ATP2A2: variants seen among roughly 807,000 people sequenced by gnomAD.
ATP2A2 encodes sarcoplasmic/endoplasmic reticulum calcium ATPase 2.
ATP2A2 carries 14 observed loss-of-function variants against 109.3 expected under a neutral mutation model. The ratio of observed to expected loss-of-function variants is 0.13; its 90% CI spans 0.08 to 0.20. The LOEUF (loss-of-function observed/expected upper bound fraction) is 0.20. Among genes scored for constraint, ATP2A2 ranks in the 10% least tolerant of loss-of-function variants. The pLI is 1.00. For synonymous variants in ATP2A2, 506 were observed against 490.9 expected (o/e 1.03, Z -0.41); for missense variants, 657 against 1,321.6 (o/e 0.50, Z 7.80).
At chr12:110,321,142 C>T (rs1877202580) in intron 5 of ATP2A2, among the ~76,000 whole-genome samples, 3 of 152,192 alleles carry the variant, frequency 2.0e-5, no homozygotes, top group African/African-American at 7.2e-5. Flanking sequence ...GCAGGGGAAT[C>T]GCTTGAACCC....
Position 110,340,991 on chromosome 12 carries a change from T to C in ATP2A2, c.2094T>C (p.Ala698=), listed in dbSNP as rs764279913. 5 of 1,614,032 alleles carry C rather than the reference T, an allele frequency of 3.1e-6. No individual in the cohort carries two copies. The highest frequency in any genetic ancestry group is 4.2e-6 in the Non-Finnish European group (5 of 1,179,984). Residue 698 remains alanine, a synonymous_variant, in exon 14 of 20, where the codon GCT becomes GCC. Transcript: ENST00000539276. The surrounding 1 kb of genome is among the most constrained non-coding windows in gnomAD (Gnocchi z 6.0). ...EFLQSFDEIT[A]MTGDGVNDAP... ...TTCAGTCTTTTGATGAGATTACAGC[T>C]ATGGTGAGCATGTTTGAACATGTAC...
At chr12:110,343,953 TGTG>T (rs1428726264) in intron 16 of ATP2A2, among the ~76,000 whole-genome samples, 2 of 152,146 alleles carry the variant, frequency 1.3e-5, no homozygotes, top group Admixed American at 6.5e-5. Flanking sequence ...AGGAAGGCAT[TGTG>T]TTTTCATAAT....
At chr12:110,293,367 C>CTTTTTTTTTTTTTTTT (rs1178977431) in intron 4 of ATP2A2, among the ~76,000 whole-genome samples, 11 of 79,914 alleles carry the variant, frequency 1.4e-4, no homozygotes, top group African/African-American at 1.6e-4. Flanking sequence ...CACTCCCGGC[C>CTTTTTTTTTTTTTTTT]TTTTTTTTTT....
intron 6 of ATP2A2, among the ~76,000 whole-genome samples, chr12:110,325,410 GA>G (rs1877686427): frequency 6.6e-6 from 1 of 151,760 alleles, no homozygotes; most frequent in African/African-American, 2.4e-5. Flanking sequence ...GAGGTGGGGG[GA>G]TCACCTCAGG....
rs1555279254 is a variant in ATP2A2 at position 110,307,222 on chromosome 12, C to CG, written c.463+10485_463+10486insG. Among the ~76,000 whole-genome samples, 273 of 126,718 alleles carry CG rather than the reference C, an allele frequency of 2.2e-3. 9 individuals carry two copies. In the East Asian group the frequency reaches 0.06, roughly 28 times the overall value. 83.1% of individuals were successfully genotyped at this position (126,718 alleles called of 152,430 possible). The stretch of plus-strand genomic sequence containing the variant: ...TAAGTGTTCCCCCCAGCCCCACCAC[C>CG]TTTTTTTTTTTTTTTTTCTTTTTTT... On this transcript the variant is annotated intron_variant, in intron 5 of 19. Coordinates refer to ENST00000539276, the MANE Select transcript of ATP2A2 (RefSeq NM_170665.4).
chr12:110,285,378 C>T (rs552077560), intron 3 of ATP2A2, among the ~76,000 whole-genome samples: 2 of 152,282 alleles, frequency 1.3e-5, no homozygotes, highest in Non-Finnish European at 2.9e-5. Flanking sequence ...TTTTCATTCT[C>T]TTCTTGATTA....
At chr12:110,288,289 A>G (rs926191942) in intron 3 of ATP2A2, among the ~76,000 whole-genome samples, 3 of 151,342 alleles carry the variant, frequency 2.0e-5, no homozygotes, top group African/African-American at 7.3e-5. Flanking sequence ...TTTTTTATAC[A>G]CATAGGGTCT....
intron 5 of ATP2A2, among the ~76,000 whole-genome samples, chr12:110,310,075 T>C (rs1415079362): frequency 1.3e-5 from 2 of 152,160 alleles, no homozygotes; most frequent in Non-Finnish European, 2.9e-5. Context: ...TTTTAAGCTT[T>C]CTGTATTATC....
At chr12:110,315,895 C>A (rs1021489662) in intron 5 of ATP2A2, among the ~76,000 whole-genome samples, 1 of 152,088 alleles carries the variant, frequency 6.6e-6, no homozygotes, top group African/African-American at 2.4e-5. Context: ...GCTGAGATCA[C>A]GCCACTGTGC....
intron 8 of ATP2A2, 93 bp from the exon 9 acceptor site, chr12:110,332,504 T>A (rs1357126392): frequency 9.2e-7 from 1 of 1,084,664 alleles, no homozygotes; most frequent in African/African-American, 1.6e-5. Flanking sequence ...AAAGAGGTTG[T>A]TTGCCTTTGT....
intron 6 of ATP2A2, among the ~76,000 whole-genome samples, chr12:110,325,387 A>C (rs890390583): frequency 6.6e-6 from 1 of 151,434 alleles, no homozygotes; most frequent in African/African-American, 2.4e-5. Context: ...TAATCCCAGC[A>C]CTTTGGGAGG....
rs79444404 is a variant in ATP2A2, at chr12:110,304,480, C to T, written c.463+7743C>T. 2.9e-4 allele frequency among the ~76,000 whole-genome samples: 44 copies of T among 152,278 alleles called. 1 individual carries two copies. In the East Asian group the frequency reaches 8.1e-3, roughly 28 times the overall value. On this transcript the variant is annotated intron_variant, in intron 5 of 19. Coordinates refer to ENST00000539276, the MANE Select transcript of ATP2A2 (RefSeq NM_170665.4). ...CATTGTCTATCGTTTTAAAGTTTTA[C>T]CCAGGAAGTGAGTATCATTGTGGTT...
Position 110,339,453 on chromosome 12 carries a change from C to T in ATP2A2, c.1542+50C>T, listed in dbSNP as rs530531233. On this transcript the variant is annotated intron_variant, in intron 12 of 19. Transcript: ENST00000539276. The surrounding 1 kb of genome is among the most constrained non-coding windows in gnomAD (Gnocchi z 4.4). ...GATGTTCTTGCCAGGGTTAAGATCC[C>T]GGTGAACCAATAAAACAAAATTGTT... The T allele has an allele frequency of 5.0e-6, 8 of 1,614,042 alleles. No individual in the cohort carries two copies. In the Admixed American group the frequency reaches 8.3e-5, roughly 17 times the overall value.
rs951504796 is a variant in ATP2A2, at chr12:110,311,954, C to T, written c.464-11038C>T. 1.8e-4 allele frequency among the ~76,000 whole-genome samples: 28 copies of T among 151,998 alleles called. 1 individual carries two copies. The highest frequency in any genetic ancestry group is 9.2e-4 in the Admixed American group (14 of 15,236). ...CACTTTGGGAGGCTGAGACGAGGTT[C>T]ACTTGAGCTCAGGAGTTTGAGACCA... On this transcript the variant is annotated intron_variant, in intron 5 of 19. Coordinates refer to ENST00000539276, the MANE Select transcript of ATP2A2 (RefSeq NM_170665.4).
At chr12:110,333,069 G>A (rs999401977) in intron 9 of ATP2A2, 112 bp from the exon 10 acceptor site, 8 of 975,648 alleles carry the variant, frequency 8.2e-6, no homozygotes, top group African/African-American at 8.0e-5. Context: ...TTTCCAGTAT[G>A]TTGTCCCAGA....
intron 4 of ATP2A2, among the ~76,000 whole-genome samples, chr12:110,293,826 A>ATGTGTGTG (rs59260681): frequency 0.013 from 1,413 of 108,534 alleles, 47 homozygotes; most frequent in African/African-American, 0.041. Context: ...TGCCATATAT[A>ATGTGTGTG]TGTGTGTGTG....
intron 5 of ATP2A2, among the ~76,000 whole-genome samples, chr12:110,299,443 A>G (rs1874314400): frequency 6.6e-6 from 1 of 152,168 alleles, no homozygotes; most frequent in Non-Finnish European, 1.5e-5. Context: ...TTTTGAGTTC[A>G]TGAATAGTGG....
intron 16 of ATP2A2, 40 bp downstream of exon 16, chr12:110,343,474 A>G: frequency 3.7e-6 from 6 of 1,606,070 alleles, no homozygotes; most frequent in African/African-American, 1.3e-5. Context: ...TTTAAACAAA[A>G]TGTTTGTGAG....
chr12:110,286,143 C>T (rs934061563), intron 3 of ATP2A2, among the ~76,000 whole-genome samples: 2 of 152,014 alleles, frequency 1.3e-5, no homozygotes, highest in African/African-American at 2.4e-5. Flanking sequence ...AGGCTGGTCT[C>T]GAACTCCTGA....
Sources: gnomAD v4.1 joint callset for allele counts (sites outside exome capture counted in the v4.1 genomes callset) on GRCh38, gnomAD v4.1.1 for gene constraint, Gnocchi (gnomAD v3.1) non-coding constraint, MANE v1.5 for transcripts, NCBI Gene and HGNC (gene_info 2026-07-23, HGNC 2026-07-21) for gene names.